MACROD2: variants seen among roughly 807,000 people sequenced by gnomAD.
MACROD2 encodes mono-ADP ribosylhydrolase 2, also known as ADP-ribose glycohydrolase MACROD2.
Under a neutral mutation model 70.4 loss-of-function variants are expected in MACROD2, and 36 were observed. The observed-to-expected ratio is 0.51, with a 90% CI of 0.39 to 0.68. The LOEUF (loss-of-function observed/expected upper bound fraction) is 0.68. Among genes scored for constraint, MACROD2 ranks in the 30% least tolerant of loss-of-function variants. The pLI, the probability that MACROD2 is intolerant of heterozygous loss-of-function variation, is 0.00. For missense variants in MACROD2, 496 were observed against 538.4 expected, an observed-to-expected ratio of 0.92 and a Z score of 0.78; for synonymous variants, 172 against 178.8, an observed-to-expected ratio of 0.96 and a Z score of 0.30.
intron 4 of MACROD2, among the ~76,000 whole-genome samples, chr20:14,540,853 C>A (rs1372808069): frequency 6.6e-6 from 1 of 152,170 alleles, no homozygotes; most frequent in Non-Finnish European, 1.5e-5. Flanking sequence ...AAAGAAAAAT[C>A]AGGCATAATC....
At chr20:14,284,806 T>C (rs1381913865) in intron 3 of MACROD2, among the ~76,000 whole-genome samples, 1 of 152,232 alleles carries the variant, frequency 6.6e-6, no homozygotes, top group Non-Finnish European at 1.5e-5. Flanking sequence ...CTGTTTAGTT[T>C]TGGTTGCTGG....
At chr20:14,801,955 G>T (rs1230779890) in intron 5 of MACROD2, among the ~76,000 whole-genome samples, 1 of 151,992 alleles carries the variant, frequency 6.6e-6, no homozygotes, top group East Asian at 1.9e-4. Context: ...ATCCAGAAAA[G>T]GTACAGGGGG....
At chr20:15,258,007 G>C (rs1052206677) in intron 6 of MACROD2, among the ~76,000 whole-genome samples, 1 of 151,504 alleles carries the variant, frequency 6.6e-6, no homozygotes, top group Non-Finnish European at 1.5e-5. Context: ...TAATGTGTGA[G>C]TTTGTGTCTT....
intron 5 of MACROD2, among the ~76,000 whole-genome samples, chr20:14,735,381 C>G (rs908017861): frequency 1.3e-5 from 2 of 152,158 alleles, no homozygotes; most frequent in Non-Finnish European, 1.5e-5. Flanking sequence ...ACATGAAGCA[C>G]ATGAACAGGC....
At chr20:15,767,717 T>A (rs1315795354) in intron 8 of MACROD2, among the ~76,000 whole-genome samples, 1 of 152,214 alleles carries the variant, frequency 6.6e-6, no homozygotes, top group South Asian at 2.1e-4. Context: ...TCAAGTACCT[T>A]GTATTCATTG....
rs143711641 is a variant in MACROD2 at position 15,987,104 on chromosome 20, C to G, written c.1099C>G (p.Gln367Glu). ...SNQEDAVIVE[Q>E]PEVIPLTEDQ... ...CCAAGAAGATGCCGTGATTGTGGAG[C>G]AACCAGAAGTGATTCCATTAACAGA... Residue 367 changes from glutamine to glutamate, a missense_variant, in exon 15 of 18, where the codon CAA becomes GAA. Physicochemically the swap from Gln to Glu is conservative, Grantham distance 29. Coordinates refer to ENST00000684519, the MANE Select transcript of MACROD2 (RefSeq NM_001351661.2). The G allele has an allele frequency of 7.1e-5, 114 of 1,611,804 alleles. No individual in the cohort carries two copies. The African/African-American group carries it at 1.4e-3, about 20-fold the overall frequency.
At chr20:15,243,650 T>TC (rs2146010966) in intron 6 of MACROD2, among the ~76,000 whole-genome samples, 1 of 152,204 alleles carries the variant, frequency 6.6e-6, no homozygotes, top group East Asian at 1.9e-4. Context: ...GCACGGTGGC[T>TC]CACGCCTGTA....
rs540800859 is a variant in MACROD2 at position 15,667,418 on chromosome 20, A to G, written c.645+167571A>G. Reference sequence around the variant, plus strand: ...AACCCCTTCTCTTTAGAAAGTACCCAGTCTCAGGTATTTCTTTATTTCAAT... The same window carrying G: ...AACCCCTTCTCTTTAGAAAGTACCCGGTCTCAGGTATTTCTTTATTTCAAT... On this transcript the variant is annotated intron_variant, in intron 8 of 17. Coordinates refer to ENST00000684519, the MANE Select transcript of MACROD2 (RefSeq NM_001351661.2). Among the ~76,000 whole-genome samples the G allele has an allele frequency of 3.3e-5, 5 of 152,276 alleles. 1 individual carries two copies. The highest frequency in any genetic ancestry group is 1.2e-4 in the African/African-American group (5 of 41,558).
intron 2 of MACROD2, among the ~76,000 whole-genome samples, chr20:14,058,527 A>T (rs925930342): frequency 1.3e-5 from 2 of 150,982 alleles, no homozygotes; most frequent in Non-Finnish European, 3.0e-5. Flanking sequence ...CTCTTTTTTT[A>T]AAAAATTTTT....
At chr20:15,948,957 G>A (rs1019781888) in intron 12 of MACROD2, among the ~76,000 whole-genome samples, 3 of 152,148 alleles carry the variant, frequency 2.0e-5, no homozygotes, top group Non-Finnish European at 4.4e-5. Flanking sequence ...GTCCAACATA[G>A]TGTTTTGGAC....
chr20:15,275,803 C>T (rs1468475695), intron 6 of MACROD2, among the ~76,000 whole-genome samples: 2 of 152,156 alleles, frequency 1.3e-5, no homozygotes, highest in Admixed American at 1.3e-4. Flanking sequence ...ATTGAAGGTT[C>T]CTGAGCTCCC....
chr20:14,153,894 T>C (rs2055057752), intron 3 of MACROD2, among the ~76,000 whole-genome samples: 1 of 152,196 alleles, frequency 6.6e-6, no homozygotes, highest in Non-Finnish European at 1.5e-5. Flanking sequence ...AGAAGACTCC[T>C]CTCCCATTTA....
chr20:15,728,764 T>G (rs1011658210), intron 8 of MACROD2, among the ~76,000 whole-genome samples: 1 of 152,106 alleles, frequency 6.6e-6, no homozygotes, highest in African/African-American at 2.4e-5. Context: ...TCATTTCTGG[T>G]TTTGTTTGTT....
At chr20:14,112,616 A>T (rs562312200) in intron 3 of MACROD2, among the ~76,000 whole-genome samples, 4 of 151,926 alleles carry the variant, frequency 2.6e-5, no homozygotes, top group Non-Finnish European at 2.9e-5. Context: ...ATTTCTAAAT[A>T]TTATTTTTTA....
rs552890159 is a variant in MACROD2 at position 14,935,366 on chromosome 20, GCTGGAAAGGT to G, written c.418+250410_418+250419del. ...GTCTAGTAGTAGCATCTCAGAATAT[GCTGGAAAGGT>G]CTTTAGAGTACTAATTTTTCAGGCT... On this transcript the variant is annotated intron_variant, in intron 5 of 17. Transcript: ENST00000684519. 1.6e-3 allele frequency: 239 copies of G among 152,176 alleles called. 1 individual carries two copies. Among genetic ancestry groups the G allele is most frequent in the African/African-American group, 5.5e-3 (228 of 41,508 alleles). 9.4% of individuals were successfully genotyped at this position (152,176 alleles called of 1,614,324 possible). A position where few individuals can be genotyped will look rare whatever the true frequency, so the allele number is the denominator to read the frequency against.
At chr20:15,414,016 A>G (rs1385917249) in intron 6 of MACROD2, among the ~76,000 whole-genome samples, 3 of 152,190 alleles carry the variant, frequency 2.0e-5, no homozygotes, top group Non-Finnish European at 4.4e-5. Context: ...CATTTAATAT[A>G]GAATTGGAGG....
intron 2 of MACROD2, among the ~76,000 whole-genome samples, chr20:14,004,031 A>G (rs2052775935): frequency 6.6e-6 from 1 of 152,134 alleles, no homozygotes; most frequent in South Asian, 2.1e-4. Flanking sequence ...CCCTTATCCA[A>G]AATGCACAGG....
chr20:15,989,778 T>C (rs1192034606), intron 15 of MACROD2, among the ~76,000 whole-genome samples: 1 of 152,068 alleles, frequency 6.6e-6, no homozygotes, highest in African/African-American at 2.4e-5. Context: ...TTAGAAGTAT[T>C]CCTTCTCTTT....
chr20:15,486,297 C>T (rs1036970063), intron 7 of MACROD2, among the ~76,000 whole-genome samples: 1 of 152,136 alleles, frequency 6.6e-6, no homozygotes, highest in Non-Finnish European at 1.5e-5. Flanking sequence ...AGCATGGAGC[C>T]CCCACCTGGT....
Sources: gnomAD v4.1 joint callset for allele counts (sites outside exome capture counted in the v4.1 genomes callset) on GRCh38, gnomAD v4.1.1 for gene constraint, MANE v1.5 for transcripts, NCBI Gene and HGNC (gene_info 2026-07-23, HGNC 2026-07-21) for gene names.